The following MRTFA variants were observed in gnomAD, a reference collection of about 807,000 sequenced individuals.
The protein encoded by MRTFA is myocardin-related transcription factor A.
Under a neutral mutation model 83.5 loss-of-function variants are expected in MRTFA, and 20 were observed. The observed-to-expected ratio is 0.24, with a 90% CI of 0.17 to 0.35. The LOEUF is 0.35. Ranked by LOEUF, MRTFA falls within the 10% of genes least tolerant of loss-of-function variation. The probability of loss-of-function intolerance (pLI) is 1.00; values close to 1 mark genes in which losing one functional copy is unlikely to be tolerated. For synonymous variants in MRTFA, 659 were observed against 541.2 expected (o/e 1.22, Z -3.02); for missense variants, 1,200 against 1,224.7 (o/e 0.98, Z 0.30).
rs776091598 is a variant in MRTFA at position 40,418,465 on chromosome 22, A to G, written c.2273T>C (p.Leu758Pro). The G allele has an allele frequency of 6.2e-7, 1 of 1,613,498 alleles. No homozygotes were observed. The highest frequency in any genetic ancestry group is 8.5e-7 in the Non-Finnish European group (1 of 1,179,716). The change falls in exon 12 of 15, where the codon CTC becomes CCC. Residue 758 changes from leucine to proline, a missense_variant. Physicochemically the swap from Leu to Pro is moderately conservative, Grantham distance 98. This residue lies in a region of MRTFA where 1,107 missense variants were observed against 1,041.8 expected (regional missense o/e 1.06). Transcript: ENST00000355630. ...GTGGGTCCCTGTGGAGTCGGTGATG[A>G]GGGTGGGAGGTGCAACCCCCTTGAT... is the stretch of plus-strand genomic sequence containing the variant.
At chr22:40,561,196 C>CTGTGTG (rs752792495) in intron 2 of MRTFA, among the ~76,000 whole-genome samples, 1 of 140,702 alleles carries the variant, frequency 7.1e-6, no homozygotes, top group Admixed American at 7.1e-5. Flanking sequence ...ATGGGTATCT[C>CTGTGTG]TGTGTGTGTG....
chr22:40,623,212 C>G (rs2056543724), intron 1 of MRTFA, among the ~76,000 whole-genome samples: 1 of 152,100 alleles, frequency 6.6e-6, no homozygotes, highest in African/African-American at 2.4e-5. Flanking sequence ...ATTGTTATTC[C>G]TCTATTCATT....
intron 7 of MRTFA, among the ~76,000 whole-genome samples, chr22:40,425,415 G>A (rs1358760833): frequency 6.6e-6 from 1 of 152,244 alleles, no homozygotes; most frequent in Admixed American, 6.5e-5. Flanking sequence ...TGCTGTGTGG[G>A]AAGACCCCAG....
intron 3 of MRTFA, among the ~76,000 whole-genome samples, chr22:40,496,505 C>A (rs2054358610): frequency 6.7e-6 from 1 of 149,634 alleles, no homozygotes; most frequent in East Asian, 2.0e-4. Context: ...AGCCAAAAAT[C>A]TTTTTCTCAA....
chr22:40,451,975 GTTTTTTTTTTT>G (rs771103539), intron 4 of MRTFA, among the ~76,000 whole-genome samples: 25 of 80,484 alleles, frequency 3.1e-4, no homozygotes, highest in African/African-American at 1.3e-3. Flanking sequence ...TTTTTTTTTG[GTTTTTTTTTTT>G]TTTTTTTTTT....
At chr22:40,570,496 T>A (rs932486807) in intron 2 of MRTFA, among the ~76,000 whole-genome samples, 1 of 134,656 alleles carries the variant, frequency 7.4e-6, no homozygotes, top group Non-Finnish European at 1.5e-5. Context: ...GAGAACGGCA[T>A]GAACCCAGGA....
intron 1 of MRTFA, among the ~76,000 whole-genome samples, chr22:40,620,178 T>C: frequency 6.7e-6 from 1 of 149,422 alleles, no homozygotes; most frequent in Non-Finnish European, 1.5e-5. Flanking sequence ...CATGCTGGAG[T>C]GCAATGGTGC....
At chr22:40,630,441 T>C (rs112117337) in intron 1 of MRTFA, among the ~76,000 whole-genome samples, 2 of 152,206 alleles carry the variant, frequency 1.3e-5, no homozygotes, top group Non-Finnish European at 2.9e-5. Context: ...GGGCAGTTTT[T>C]AAGTCAACAG....
rs529256370 is a variant in MRTFA at position 40,481,531 on chromosome 22, C to A, written c.242-18245G>T. Among the ~76,000 whole-genome samples the A allele has an allele frequency of 7.9e-5, 12 of 152,032 alleles. No homozygotes were observed. The South Asian group carries it at 2.5e-3, about 32-fold the overall frequency. On this transcript the variant is annotated intron_variant, in intron 3 of 14. Transcript: ENST00000355630. ...GTACGTATTATAATTTCAGGGAGTA[C>A]ATTATGTGAAGAAAAATATAGTGGA...
At chr22:40,459,820 C>A (rs865875075) in intron 4 of MRTFA, among the ~76,000 whole-genome samples, 1 of 82,940 alleles carries the variant, frequency 1.2e-5, no homozygotes. Context: ...CACACACACA[C>A]ACATATATAC....
intron 1 of MRTFA, among the ~76,000 whole-genome samples, chr22:40,604,752 A>G (rs2056299764): frequency 6.6e-6 from 1 of 150,982 alleles, no homozygotes; most frequent in Admixed American, 6.6e-5. Flanking sequence ...TCTCAAAAAA[A>G]GGAAAAAAAA....
At chr22:40,430,381 G>A (rs895894488) in intron 6 of MRTFA, among the ~76,000 whole-genome samples, 2 of 151,982 alleles carry the variant, frequency 1.3e-5, no homozygotes, top group Admixed American at 6.6e-5. Context: ...CCAGCGACTC[G>A]GAAGGCTGAG....
chr22:40,463,898 G>A (rs769195205), intron 3 of MRTFA, among the ~76,000 whole-genome samples: 28 of 152,110 alleles, frequency 1.8e-4, no homozygotes, highest in Non-Finnish European at 3.2e-4. Flanking sequence ...TCAGCTAGAT[G>A]ACTCAAAGCA....
chr22:40,575,644 T>C lies in MRTFA; in HGVS notation c.-22+19030A>G, dbSNP rs367632127. Among the ~76,000 whole-genome samples, 14 of 152,326 alleles carry C rather than the reference T, an allele frequency of 9.2e-5. No individual in the cohort carries two copies. In the East Asian group the frequency reaches 2.5e-3, roughly 27 times the overall value. On this transcript the variant is annotated intron_variant, in intron 2 of 14. Coordinates refer to ENST00000355630, the MANE Select transcript of MRTFA (RefSeq NM_020831.6). ...GTGATATAAACAATCCATGGTGACT[T>C]TTCTTCAGCCAATATGGTGATGAAC...
intron 4 of MRTFA, among the ~76,000 whole-genome samples, chr22:40,439,504 C>CAAAA (rs756033541): frequency 2.2e-4 from 7 of 32,148 alleles, no homozygotes; most frequent in South Asian, 8.9e-4. Context: ...GACTCTGTCT[C>CAAAA]AAAAAAAAAA....
chr22:40,587,674 G>A (rs2056052376), intron 2 of MRTFA: 2 of 324,038 alleles, frequency 6.2e-6, no homozygotes, highest in Admixed American at 3.7e-5. Context: ...AGTGCCAACA[G>A]TGCCAGGTTT....
At chr22:40,451,712 C>T (rs938569490) in intron 4 of MRTFA, among the ~76,000 whole-genome samples, 11 of 152,114 alleles carry the variant, frequency 7.2e-5, no homozygotes, top group Admixed American at 5.9e-4. Flanking sequence ...TGAATCTGAC[C>T]TTCTAGGCTT....
chr22:40,436,230 A>G (rs771029102), intron 4 of MRTFA: 94 of 154,734 alleles, frequency 6.1e-4, no homozygotes, highest in Non-Finnish European at 1.1e-3. Flanking sequence ...GCCTCACATT[A>G]TTCTCAGGAC....
chr22:40,484,245 T>A (rs185147900), intron 3 of MRTFA, among the ~76,000 whole-genome samples: 273 of 152,146 alleles, frequency 1.8e-3, no homozygotes, highest in Non-Finnish European at 3.5e-3. Flanking sequence ...AAGATAAAAA[T>A]TTAAAAATAA....
Sources: gnomAD v4.1 joint callset for allele counts (sites outside exome capture counted in the v4.1 genomes callset) on GRCh38, gnomAD v4.1.1 for gene constraint, gnomAD v4.1.1 regional missense constraint, MANE v1.5 for transcripts, NCBI Gene and HGNC (gene_info 2026-07-23, HGNC 2026-07-21) for gene names.